ATP6AP2: variants seen among roughly 807,000 people sequenced by gnomAD.
ATP6AP2 encodes renin receptor.
Under a neutral mutation model 23.4 loss-of-function variants are expected in ATP6AP2, and 1 was observed. The ratio of observed to expected loss-of-function variants is 0.04; its 90% CI spans 0.02 to 0.20. The LOEUF (loss-of-function observed/expected upper bound fraction) is 0.20, where lower values mean the gene tolerates loss of function less well. Among genes scored for constraint, ATP6AP2 ranks in the 10% least tolerant of loss-of-function variants. The pLI, the probability that ATP6AP2 is intolerant of heterozygous loss-of-function variation, is 1.00. For synonymous variants in ATP6AP2, 90 were observed against 97.1 expected (o/e 0.93, Z 0.43); for missense variants, 174 against 271.3 (o/e 0.64, Z 2.52).
At chrX:40,584,654 A>AT (rs1388671925) in intron 1 of ATP6AP2, among the ~76,000 whole-genome samples, 1 of 110,093 alleles carries the variant, frequency 9.1e-6, no homozygotes, top group East Asian at 2.8e-4. Flanking sequence ...CTAATTTTGT[A>AT]TTTTTTTAGT....
At chrX:40,598,449 A>G in intron 5 of ATP6AP2, 2 of 408,421 alleles carry the variant, frequency 4.9e-6, no homozygotes, top group South Asian at 3.8e-5. Context: ...TGCCAAAAAT[A>G]TAGCTATTGA....
At chrX:40,589,323 A>G in intron 2 of ATP6AP2, 2 of 411,114 alleles carry the variant, frequency 4.9e-6, no homozygotes, top group Non-Finnish European at 8.2e-6. Context: ...AGTTGAACCC[A>G]GGAATTTGAG....
intron 8 of ATP6AP2, chrX:40,603,391 A>G (rs1212644887): frequency 4.6e-5 from 5 of 109,494 alleles, no homozygotes; most frequent in Non-Finnish European, 9.5e-5. Context: ...AGAGGTCTTC[A>G]TGGGCGTGAA....
intron 1 of ATP6AP2, among the ~76,000 whole-genome samples, chrX:40,582,231 C>A (rs1276714846): frequency 8.9e-6 from 1 of 111,975 alleles, no homozygotes; most frequent in South Asian, 3.7e-4. Flanking sequence ...AGTTTGAGAC[C>A]AGCCTGGCCA....
intron 8 of ATP6AP2, 50 bp downstream of exon 8, chrX:40,600,931 T>TATAAA: frequency 1.0e-6 from 1 of 974,838 alleles, no homozygotes; most frequent in Non-Finnish European, 1.4e-6. Flanking sequence ...TAACTTCTTA[T>TATAAA]AAAAAAAAAA....
intron 5 of ATP6AP2, 149 bp downstream of exon 5, chrX:40,597,813 C>A: frequency 3.3e-6 from 2 of 598,596 alleles, no homozygotes; most frequent in Non-Finnish European, 5.3e-6. Flanking sequence ...GCTGGGATCA[C>A]AGGCTTGAGC....
chrX:40,602,233 G>T (rs1926932518), intron 8 of ATP6AP2, among the ~76,000 whole-genome samples: 1 of 100,953 alleles, frequency 9.9e-6, no homozygotes, highest in African/African-American at 4.5e-5. Flanking sequence ...AGTGAGCCAA[G>T]ATTGCACCAC....
rs202012320 is a variant in ATP6AP2, at chrX:40,589,558, G to GT, written c.168+454dup. 1,237 of 107,290 alleles carry GT rather than the reference G, an allele frequency of 0.012. 31 individuals carry two copies. In the East Asian group the frequency reaches 0.17, roughly 14 times the overall value. The allele number at this position is 107,290 out of a possible 1,213,427, so 8.8% of individuals were successfully genotyped here. On this transcript the variant is annotated intron_variant, in intron 2 of 8. Coordinates refer to ENST00000636580, the MANE Select transcript of ATP6AP2 (RefSeq NM_005765.3). ...CTCTTAATAGGATATCTACTTTCTGGTTTTTTTTTTTTAGTATAGGCGATA... is the reference window on the plus strand; with the variant it reads ...CTCTTAATAGGATATCTACTTTCTGGTTTTTTTTTTTTTAGTATAGGCGATA...
intron 8 of ATP6AP2, among the ~76,000 whole-genome samples, chrX:40,604,778 A>G (rs1927026248): frequency 9.0e-6 from 1 of 111,516 alleles, no homozygotes; most frequent in African/African-American, 3.3e-5. Context: ...TGAATTTTAT[A>G]TAAATTGAAT....
Position 40,601,565 on chromosome X carries a change from C to T in ATP6AP2, c.858+684C>T, listed in dbSNP as rs147089558. Among the ~76,000 whole-genome samples the T allele has an allele frequency of 3.0e-3, 336 of 111,902 alleles. 4 individuals are homozygous for T. The highest frequency in any genetic ancestry group is 9.8e-3 in the African/African-American group (301 of 30,782). ...ATACATATCTGTTTATGTGTATGTACGTGCACATTTACATACATACATATA... is the reference window on the plus strand; with the variant it reads ...ATACATATCTGTTTATGTGTATGTATGTGCACATTTACATACATACATATA... On this transcript the variant is annotated intron_variant, in intron 8 of 8. Transcript: ENST00000636580.
chrX:40,583,931 TTAGGAG>T (rs1926392357), intron 1 of ATP6AP2, among the ~76,000 whole-genome samples: 1 of 111,310 alleles, frequency 9.0e-6, no homozygotes, highest in African/African-American at 3.3e-5. Context: ...GTTTGCAGCC[TTAGGAG>T]TAGTTGGGCT....
Position 40,589,071 on chromosome X carries a change from G to T in ATP6AP2, c.123G>T (p.Arg41=). 1 of 1,209,921 alleles carries T rather than the reference G, an allele frequency of 8.3e-7. No individual in the cohort carries two copies. The highest frequency in any genetic ancestry group is 1.1e-6 in the Non-Finnish European group (1 of 894,684). Residue 41 remains arginine (R), a synonymous_variant, in exon 2 of 9, where the codon CGG becomes CGT. Transcript: ENST00000636580. ...RNGNWPIPGE[R]IPDVAALSMG... ...GAAATTGGCCTATACCAGGAGAGCGGATCCCAGACGTGGCTGCATTGTCCA... is the reference window on the plus strand; with the variant it reads ...GAAATTGGCCTATACCAGGAGAGCGTATCCCAGACGTGGCTGCATTGTCCA...
At chrX:40,602,923 T>TTTTTTTG (rs1926968465) in intron 8 of ATP6AP2, among the ~76,000 whole-genome samples, 1 of 15,099 alleles carries the variant, frequency 6.6e-5, no homozygotes, top group Non-Finnish European at 2.0e-4. Context: ...CTTTTTTTTT[T>TTTTTTTG]TTTTTTTTTT....
chrX:40,597,342 G>A lies in ATP6AP2; in HGVS notation c.394G>A (p.Glu132Lys). Reference sequence around the variant, plus strand: ...TGTTTTGCAGTTGGCTCCCAGTGAGGAAGTAAGTGATAAGGGTTTTATTCA... The same window carrying A: ...TGTTTTGCAGTTGGCTCCCAGTGAGAAAGTAAGTGATAAGGGTTTTATTCA... ...PVVLQLAPSE[E>K]RVYMVGKANS... Residue 132 changes from glutamate (E) to lysine (K), a missense_variant and splice_region_variant, in exon 4 of 9, where the codon GAA becomes AAA. Coordinates refer to ENST00000636580, the MANE Select transcript of ATP6AP2 (RefSeq NM_005765.3). 2 of 1,175,323 alleles carry A rather than the reference G, an allele frequency of 1.7e-6. No homozygotes were observed. The highest frequency in any genetic ancestry group is 2.3e-6 in the Non-Finnish European group (2 of 862,818).
At chrX:40,581,481 C>A (rs1186013785) in intron 1 of ATP6AP2, among the ~76,000 whole-genome samples, 1 of 113,022 alleles carries the variant, frequency 8.8e-6, no homozygotes, top group African/African-American at 3.2e-5. Context: ...TTTTTAGCTG[C>A]CACTGGCTGC....
rs2146543666 is a variant in ATP6AP2, at chrX:40,599,727, G to A, written c.724G>A (p.Asp242Asn). ...QFRDASKILVDALQKFADDMY... is the reference protein window; with the variant it reads ...QFRDASKILVNALQKFADDMY... ...CAGAGATGCTTCTAAGATCCTTGTT[G>A]ACGCTCTGCAAAAGGTAAATATCAA... Residue 242 changes from aspartate (D) to asparagine (N), a missense_variant, in exon 7 of 9, where the codon GAC becomes AAC. Physicochemically the swap from Asp to Asn is conservative, Grantham distance 23 (BLOSUM62 1). Coordinates refer to ENST00000636580, the MANE Select transcript of ATP6AP2 (RefSeq NM_005765.3). 8.3e-7 allele frequency: 1 copy of A among 1,211,079 alleles called. No individual in the cohort carries two copies. Among genetic ancestry groups the A allele is most frequent in the Non-Finnish European group, 1.1e-6 (1 of 895,338 alleles).
intron 8 of ATP6AP2, among the ~76,000 whole-genome samples, chrX:40,602,365 A>T (rs1196948292): frequency 1.1e-5 from 1 of 94,195 alleles, no homozygotes; most frequent in Non-Finnish European, 2.0e-5. Context: ...AATAAAGAAG[A>T]GGAGGCCGGG....
At chrX:40,593,861 C>T (rs780363729) in intron 3 of ATP6AP2, among the ~76,000 whole-genome samples, 3 of 111,422 alleles carry the variant, frequency 2.7e-5, no homozygotes, top group African/African-American at 9.8e-5. Flanking sequence ...ACCGAGGTTG[C>T]TTCCATCCAT....
chrX:40,598,714 C>T lies in ATP6AP2; in HGVS notation c.568C>T (p.Leu190=). The change falls in exon 6 of 9, where the codon CTA becomes TTA. Residue 190 remains leucine, a synonymous_variant. Coordinates refer to ENST00000636580, the MANE Select transcript of ATP6AP2 (RefSeq NM_005765.3). ...GCTCTTTCTTTCTGAACTGCAAGTG[C>T]TACATGATATTTCAAGCTTGGTAAG... The part of the protein sequence containing the change: ...DLLFLSELQV[L]HDISSLLSRH... 1 of 1,209,817 alleles carries T rather than the reference C, an allele frequency of 8.3e-7. No individual in the cohort carries two copies. The highest frequency in any genetic ancestry group is 1.1e-6 in the Non-Finnish European group (1 of 894,577).
Sources: gnomAD v4.1 joint callset for allele counts (sites outside exome capture counted in the v4.1 genomes callset) on GRCh38, gnomAD v4.1.1 for gene constraint, MANE v1.5 for transcripts, NCBI Gene and HGNC (gene_info 2026-07-23, HGNC 2026-07-21) for gene names.